The following GPD2 variants were observed in gnomAD, a reference collection of about 807,000 sequenced individuals.
GPD2 encodes glycerol-3-phosphate dehydrogenase, mitochondrial.
GPD2 carries 54 observed loss-of-function variants against 82.4 expected under a neutral mutation model. That is an observed-to-expected ratio of 0.66 (90% CI 0.53 to 0.82). The LOEUF (loss-of-function observed/expected upper bound fraction) is 0.82. Ranked by LOEUF, GPD2 falls within the 40% of genes least tolerant of loss-of-function variation. GPD2 has a pLI of 0.00. For synonymous variants in GPD2, 288 were observed against 306.1 expected (o/e 0.94, Z 0.62); for missense variants, 748 against 896.2 (o/e 0.83, Z 2.11).
intron 1 of GPD2, among the ~76,000 whole-genome samples, chr2:156,446,729 A>G (rs1682382529): frequency 6.6e-6 from 1 of 151,860 alleles, no homozygotes. Flanking sequence ...ATGCCTGGCT[A>G]ATTTTTATAT....
chr2:156,507,883 C>T (rs1001790569), intron 3 of GPD2, among the ~76,000 whole-genome samples: 18 of 152,118 alleles, frequency 1.2e-4, no homozygotes, highest in East Asian at 1.9e-4. Context: ...AAGCGTTTGC[C>T]TTCTCTTTCT....
Position 156,510,917 on chromosome 2 carries a change from G to A in GPD2, c.396G>A (p.Glu132=). Residue 132 remains glutamate (E), a synonymous_variant, in exon 4 of 17, where the codon GAG becomes GAA. Transcript: ENST00000438166. ...AGGCCATCATGAAGTTGGATATTGAGCAGGTAATTGTGTATGCTGGTTGTT... is the reference window on the plus strand; with the variant it reads ...AGGCCATCATGAAGTTGGATATTGAACAGGTAATTGTGTATGCTGGTTGTT... ...LQKAIMKLDI[E]QYRMVKEALH... 1 of 1,613,586 alleles carries A rather than the reference G, an allele frequency of 6.2e-7. No individual in the cohort carries two copies. Among genetic ancestry groups the A allele is most frequent in the Middle Eastern group, 1.7e-4 (1 of 6,058 alleles).
intron 1 of GPD2, among the ~76,000 whole-genome samples, chr2:156,440,330 T>A (rs1011624783): frequency 6.6e-6 from 1 of 152,230 alleles, no homozygotes; most frequent in African/African-American, 2.4e-5. Context: ...AGAATAGACT[T>A]CTTCCTGTAC....
intron 15 of GPD2, 116 bp from the exon 16 acceptor site, chr2:156,579,574 T>C: frequency 2.9e-6 from 2 of 678,288 alleles, no homozygotes; most frequent in Non-Finnish European, 2.7e-6. Flanking sequence ...TCAACTAATC[T>C]GCCTGCCTTG....
At chr2:156,402,835 GT>G in the GPD2 span, among the ~76,000 whole-genome samples, 106 of 152,118 alleles carry the variant, frequency 7.0e-4, no homozygotes, top group Middle Eastern at 6.8e-3. Context: ...CTTAAATATT[GT>G]TTTTAATTTT....
chr2:156,458,086 C>T (rs1682848438), intron 1 of GPD2, among the ~76,000 whole-genome samples: 1 of 152,166 alleles, frequency 6.6e-6, no homozygotes, highest in Non-Finnish European at 1.5e-5. Context: ...ATGCCGAGGA[C>T]AGCAGCCTAG....
intron 6 of GPD2, among the ~76,000 whole-genome samples, chr2:156,522,265 T>C (rs921136164): frequency 2.0e-5 from 3 of 152,204 alleles, no homozygotes; most frequent in African/African-American, 7.2e-5. Context: ...ATTTGCTTTT[T>C]TTAAAATTAA....
Position 156,571,171 on chromosome 2 carries a change from T to C in GPD2, c.1646T>C (p.Val549Ala). The C allele has an allele frequency of 6.2e-7, 1 of 1,611,190 alleles. No individual in the cohort carries two copies. The highest frequency in any genetic ancestry group is 8.5e-7 in the Non-Finnish European group (1 of 1,177,322). Residue 549 changes from valine (V) to alanine (A), a missense_variant, in exon 13 of 17, where the codon GTG becomes GCG. Around this residue, in one of 3 missense-constraint regions of GPD2, gnomAD observed 692 missense variants for 809.7 expected, o/e 0.85. Coordinates refer to ENST00000438166, the MANE Select transcript of GPD2 (RefSeq NM_000408.5). ...ATTAAGGAGTATGCCTGCACTGCTG[T>C]GGATATGATTTCACGTCGTACTCGC... ...YGIKEYACTAVDMISRRTRLA... is the reference protein window; with the variant it reads ...YGIKEYACTAADMISRRTRLA...
intron 1 of GPD2, among the ~76,000 whole-genome samples, chr2:156,462,258 G>A (rs987848086): frequency 3.3e-5 from 5 of 152,096 alleles, no homozygotes; most frequent in African/African-American, 1.2e-4. Flanking sequence ...CTCTGTGCAT[G>A]TACCTGGTTT....
intron 2 of GPD2, among the ~76,000 whole-genome samples, chr2:156,476,647 C>T (rs1341533846): frequency 6.6e-6 from 1 of 152,124 alleles, no homozygotes; most frequent in Non-Finnish European, 1.5e-5. Flanking sequence ...GGTTTAGTTA[C>T]TTATGAAGTA....
intron 6 of GPD2, among the ~76,000 whole-genome samples, chr2:156,519,415 A>G (rs1685314104): frequency 1.3e-5 from 2 of 152,198 alleles, no homozygotes; most frequent in African/African-American, 4.8e-5. Context: ...GAACTATTGA[A>G]TAAGAGGAGG....
chr2:156,558,346 G>A (rs184348331), intron 9 of GPD2, among the ~76,000 whole-genome samples: 147 of 151,994 alleles, frequency 9.7e-4, no homozygotes, highest in African/African-American at 3.4e-3. Flanking sequence ...TGAATACCAG[G>A]CAGGTCCATC....
rs549430293 is a variant in GPD2 at position 156,567,042 on chromosome 2, CA to C, written c.1166-1782del. On this transcript the variant is annotated intron_variant, in intron 9 of 16. Transcript: ENST00000438166. ...TGGAGAAATATTTATTGAAGTCTTT[CA>C]TTTTTTAATTCAAGTTGTTTGCTTT... Among the ~76,000 whole-genome samples, 388 of 152,012 alleles carry C rather than the reference CA, an allele frequency of 2.6e-3. 4 individuals are homozygous for C. Among genetic ancestry groups the C allele is most frequent in the African/African-American group, 8.9e-3 (369 of 41,512 alleles).
At chr2:156,504,733 C>A (rs909554756) in intron 3 of GPD2, among the ~76,000 whole-genome samples, 1 of 151,532 alleles carries the variant, frequency 6.6e-6, no homozygotes, top group African/African-American at 2.4e-5. Context: ...AGAATATTAT[C>A]CACATGTTAA....
At chr2:156,453,433 A>G (rs1161418988) in intron 1 of GPD2, among the ~76,000 whole-genome samples, 1 of 152,224 alleles carries the variant, frequency 6.6e-6, no homozygotes, top group Non-Finnish European at 1.5e-5. Flanking sequence ...CTGAAGAAAG[A>G]GAAGGTGGTG....
At chr2:156,448,343 C>T (rs1448116338) in intron 1 of GPD2, among the ~76,000 whole-genome samples, 2 of 152,058 alleles carry the variant, frequency 1.3e-5, no homozygotes, top group Non-Finnish European at 2.9e-5. Flanking sequence ...CTCCTGACCT[C>T]GTGATCCACC....
chr2:156,536,837 T>C (rs541172117), intron 6 of GPD2, among the ~76,000 whole-genome samples: 1 of 152,312 alleles, frequency 6.6e-6, no homozygotes, highest in Non-Finnish European at 1.5e-5. Flanking sequence ...AGCAGATTAA[T>C]AGTTTTCTTA....
At chr2:156,448,404 G>A (rs1031726888) in intron 1 of GPD2, among the ~76,000 whole-genome samples, 53 of 152,300 alleles carry the variant, frequency 3.5e-4, no homozygotes, top group African/African-American at 1.1e-3. Flanking sequence ...GAGCCACTGC[G>A]CCTGGCCTAT....
rs70987037 is a variant in GPD2, at chr2:156,449,856, C to CA, written c.-9+13355dup. On this transcript the variant is annotated intron_variant, in intron 1 of 16. Coordinates refer to ENST00000438166, the MANE Select transcript of GPD2 (RefSeq NM_000408.5). Reference sequence around the variant, plus strand: ...CAAAACTCCATCTCTACTAAATATACAAAAAAAAAAAAGCCGGGCATGGTG... The same window carrying CA: ...CAAAACTCCATCTCTACTAAATATACAAAAAAAAAAAAAGCCGGGCATGGTG... Among the ~76,000 whole-genome samples, 160 of 83,994 alleles carry CA rather than the reference C, an allele frequency of 1.9e-3. 5 individuals carry two copies. Among genetic ancestry groups the CA allele is most frequent in the African/African-American group, 5.2e-3 (133 of 25,532 alleles). The allele number at this position is 83,994 out of a possible 152,430, so 55.1% of individuals were successfully genotyped here.
Sources: gnomAD v4.1 joint callset for allele counts (sites outside exome capture counted in the v4.1 genomes callset) on GRCh38, gnomAD v4.1.1 for gene constraint, gnomAD v4.1.1 regional missense constraint, MANE v1.5 for transcripts, NCBI Gene and HGNC (gene_info 2026-07-23, HGNC 2026-07-21) for gene names.